Variants in HSCB observed in about 807,000 individuals in gnomAD.
HSCB encodes the protein iron-sulfur cluster co-chaperone protein HscB.
A neutral mutation model predicts 31.3 loss-of-function variants in HSCB; 23 were observed. The ratio of observed to expected loss-of-function variants is 0.74; its 90% CI spans 0.53 to 1.04. The LOEUF is 1.04. Ranked by LOEUF, HSCB falls within the 50% of genes least tolerant of loss-of-function variation. The pLI, the probability that HSCB is intolerant of heterozygous loss-of-function variation, is 0.00. For missense variants in HSCB, 297 were observed against 288.1 expected, an observed-to-expected ratio of 1.03 and a Z score of -0.22; for synonymous variants, 110 against 104.5, an observed-to-expected ratio of 1.05 and a Z score of -0.32.
Position 28,742,218 on chromosome 22 carries a change from TTGGAACTGCGGCGGCCCA to T in HSCB, c.127_144del (p.Asn43_Trp48del). The T allele has an allele frequency of 6.2e-7, 1 of 1,613,916 alleles. No homozygotes were observed. The highest frequency in any genetic ancestry group is 8.5e-7 in the Non-Finnish European group (1 of 1,179,964). ...AGGCGGGAAGCAATTATCCCCGCTGTTGGAACTGCGGCGGCCCATGGGGCCCCGGGCGGGAGGACAGGT... is the reference window on the plus strand; with the variant it reads ...AGGCGGGAAGCAATTATCCCCGCTGTTGGGGCCCCGGGCGGGAGGACAGGT... On this transcript the variant is annotated inframe_deletion, in exon 1 of 6. Transcript: ENST00000216027.
intron 4 of HSCB, among the ~76,000 whole-genome samples, chr22:28,750,247 C>CAA (rs563701958): frequency 0.013 from 817 of 64,684 alleles, 94 homozygotes; most frequent in African/African-American, 0.02. Context: ...GAAACTGTCT[C>CAA]AAAAAAAAAA....
intron 5 of HSCB, among the ~76,000 whole-genome samples, chr22:28,755,798 G>T (rs541825315): frequency 2.0e-5 from 3 of 152,200 alleles, no homozygotes; most frequent in East Asian, 3.9e-4. Context: ...ATAATTCTTC[G>T]TTTGGGGGAG....
At chr22:28,744,540 C>A in intron 2 of HSCB, 75 bp from the exon 3 acceptor site, 3 of 1,097,678 alleles carry the variant, frequency 2.7e-6, no homozygotes, top group Non-Finnish European at 4.2e-6. Context: ...GATGACTCAA[C>A]GTCAAAACAA....
chr22:28,755,234 C>T (rs1438843170), intron 5 of HSCB, among the ~76,000 whole-genome samples: 1 of 151,140 alleles, frequency 6.6e-6, no homozygotes, highest in Non-Finnish European at 1.5e-5. Context: ...CACGGTGAAA[C>T]CCCGTCTCTA....
At chr22:28,742,038 T>A, upstream of HSCB, 1 of 1,540,752 alleles carries the variant, frequency 6.5e-7, no homozygotes, top group East Asian at 2.4e-5. Flanking sequence ...TTAGTCTGGT[T>A]AGACGCTCTC....
In HSCB at chr22:28,744,543, CAAAACA is replaced by C. The variant is rs986719603; in HGVS notation, c.334-55_334-50del. On this transcript the variant is annotated intron_variant, in intron 2 of 5. Coordinates refer to ENST00000216027, the MANE Select transcript of HSCB (RefSeq NM_172002.5). ...CACTCCAGCCTGGATGACTCAACGT[CAAAACA>C]AAAACAAAAACAAAAAAACTTTGTG... The C allele has an allele frequency of 1.3e-4, 151 of 1,193,792 alleles. No homozygotes were observed. The African/African-American group carries it at 1.4e-3, about 11-fold the overall frequency. The allele number at this position is 1,193,792 out of a possible 1,614,324, so 73.9% of individuals were successfully genotyped here.
intron 5 of HSCB, among the ~76,000 whole-genome samples, 165 bp from the exon 6 acceptor site, chr22:28,756,913 C>T (rs953405451): frequency 1.3e-5 from 2 of 152,156 alleles, no homozygotes; most frequent in Non-Finnish European, 1.5e-5. Flanking sequence ...CCTGTGTCTC[C>T]TTAACAATCC....
intron 4 of HSCB, among the ~76,000 whole-genome samples, chr22:28,747,273 G>A (rs1328817046): frequency 6.6e-6 from 1 of 151,986 alleles, no homozygotes; most frequent in African/African-American, 2.4e-5. Context: ...TCACATCTAC[G>A]AATACTTTCA....
At chr22:28,747,822 T>G (rs986849725) in intron 4 of HSCB, among the ~76,000 whole-genome samples, 2 of 152,152 alleles carry the variant, frequency 1.3e-5, no homozygotes, top group African/African-American at 4.8e-5. Flanking sequence ...TTGGAGTTTA[T>G]ATATGTCAAC....
rs546483890 is a variant in HSCB, at chr22:28,751,035, C to T, written c.569-206C>T. ...CTTAGACCTTTCATGGTTGGAAAAA[C>T]AGTGTTATTAGGGTAAACCAGAGTT... is the stretch of plus-strand genomic sequence containing the variant. On this transcript the variant is annotated intron_variant, in intron 4 of 5. Coordinates refer to ENST00000216027, the MANE Select transcript of HSCB (RefSeq NM_172002.5). Among the ~76,000 whole-genome samples, 4 of 130,168 alleles carry T rather than the reference C, an allele frequency of 3.1e-5. No individual in the cohort carries two copies. The South Asian group carries it at 8.1e-4, about 26-fold the overall frequency. The allele number at this position is 130,168 out of a possible 152,430, so 85.4% of individuals were successfully genotyped here. A position where few individuals can be genotyped will look rare whatever the true frequency, so the allele number is the denominator to read the frequency against.
intron 4 of HSCB, among the ~76,000 whole-genome samples, chr22:28,750,162 T>C (rs1327676106): frequency 6.8e-6 from 1 of 147,632 alleles, no homozygotes; most frequent in African/African-American, 2.5e-5. Flanking sequence ...GGCAGGAGAA[T>C]TGCTTGAACT....
At chr22:28,755,718 T>C (rs776602158) in intron 5 of HSCB, among the ~76,000 whole-genome samples, 1 of 152,232 alleles carries the variant, frequency 6.6e-6, no homozygotes, top group Non-Finnish European at 1.5e-5. Flanking sequence ...ATTTTAGCAC[T>C]CTTCACATTG....
At chr22:28,746,760 A>G (rs2054699303) in intron 4 of HSCB, among the ~76,000 whole-genome samples, 1 of 151,978 alleles carries the variant, frequency 6.6e-6, no homozygotes, top group South Asian at 2.1e-4. Flanking sequence ...TTAGCCAGGC[A>G]TGGTGGTGCA....
chr22:28,742,199 G>C lies in HSCB; in HGVS notation c.104G>C (p.Gly35Ala), dbSNP rs759255457. The change falls in exon 1 of 6, where the codon GGA becomes GCA. Residue 35 changes from glycine (G) to alanine (A), a missense_variant. Gly to Ala is a moderately conservative substitution (Grantham distance 60, BLOSUM62 0). Coordinates refer to ENST00000216027, the MANE Select transcript of HSCB (RefSeq NM_172002.5). Reference sequence around the variant, plus strand: ...AGCTGCGATGCTGCGTCGCAGGCGGGAAGCAATTATCCCCGCTGTTGGAAC... The same window carrying C: ...AGCTGCGATGCTGCGTCGCAGGCGGCAAGCAATTATCCCCGCTGTTGGAAC... ...PLSCDAASQA[G>A]SNYPRCWNCG... 18 of 1,613,822 alleles carry C rather than the reference G, an allele frequency of 1.1e-5. No individual in the cohort carries two copies. Among genetic ancestry groups the C allele is most frequent in the Non-Finnish European group, 1.5e-5 (18 of 1,179,970 alleles).
intron 4 of HSCB, among the ~76,000 whole-genome samples, chr22:28,748,807 A>C (rs1489318463): frequency 6.6e-6 from 1 of 152,042 alleles, no homozygotes; most frequent in African/African-American, 2.4e-5. Context: ...GTGAGCCACC[A>C]AGCCCGGCCA....
rs970647821 is a variant in HSCB at position 28,742,386 on chromosome 22, G to A, written c.236+55G>A. Reference sequence around the variant, plus strand: ...CGGGCGAGAGACACGTCGAGGTCTGGCCTGCGAGAGGGGAGGACGGATCTG... The same window carrying A: ...CGGGCGAGAGACACGTCGAGGTCTGACCTGCGAGAGGGGAGGACGGATCTG... On this transcript the variant is annotated intron_variant, in intron 1 of 5. Transcript: ENST00000216027. 7 of 1,591,726 alleles carry A rather than the reference G, an allele frequency of 4.4e-6. No individual in the cohort carries two copies. In the East Asian group the frequency reaches 9.0e-5, roughly 21 times the overall value.
chr22:28,743,766 TGAAA>T, intron 1 of HSCB, 112 bp from the exon 2 acceptor site: 3 of 828,144 alleles, frequency 3.6e-6, no homozygotes, highest in Admixed American at 2.0e-5. Flanking sequence ...TACCACTTTT[TGAAA>T]TTAACTGCTT....
intron 1 of HSCB, among the ~76,000 whole-genome samples, chr22:28,743,244 C>T (rs2054617348): frequency 6.6e-6 from 1 of 151,902 alleles, no homozygotes. Flanking sequence ...GCCGACCTAA[C>T]GGGATTCTTG....
intron 5 of HSCB, among the ~76,000 whole-genome samples, chr22:28,754,663 C>CT (rs1034685295): frequency 4.0e-5 from 6 of 151,788 alleles, no homozygotes; most frequent in East Asian, 1.9e-4. Context: ...AAGCAAGACT[C>CT]TATCTCAAAA....
Sources: allele counts gnomAD v4.1 joint callset (sites outside exome capture counted in the v4.1 genomes callset), GRCh38; gene constraint gnomAD v4.1.1; transcripts MANE v1.5; gene names NCBI Gene and HGNC (gene_info 2026-07-23, HGNC 2026-07-21).